Variants in TSEN2 observed in about 807,000 individuals in gnomAD.
The protein encoded by TSEN2 is tRNA-splicing endonuclease subunit Sen2.
A neutral mutation model predicts 59.2 loss-of-function variants in TSEN2; 54 were observed. That is an observed-to-expected ratio of 0.91 (90% CI 0.73 to 1.14). TSEN2 has a LOEUF of 1.14. Ranked by LOEUF, TSEN2 falls within the 50% of genes most tolerant of loss-of-function variation. The pLI, the probability that TSEN2 is intolerant of heterozygous loss-of-function variation, is 0.00. For missense variants in TSEN2, 636 were observed against 576.2 expected, an observed-to-expected ratio of 1.10 and a Z score of -1.06; for synonymous variants, 195 against 198.2, an observed-to-expected ratio of 0.98 and a Z score of 0.14.
chr3:12,532,043 T>C (rs527559338), intron 11 of TSEN2, among the ~76,000 whole-genome samples: 1 of 152,318 alleles, frequency 6.6e-6, no homozygotes, highest in African/African-American at 2.4e-5. Context: ...CCTCCTGTCA[T>C]CTTGGCTTGT....
chr3:12,494,513 C>T (rs2053544731), intron 3 of TSEN2, among the ~76,000 whole-genome samples: 1 of 152,130 alleles, frequency 6.6e-6, no homozygotes, highest in Non-Finnish European at 1.5e-5. Flanking sequence ...TCTCCTGCCT[C>T]AGCCTCCTGG....
chr3:12,496,510 T>C lies in TSEN2; in HGVS notation c.272-8T>C. 6.2e-7 allele frequency: 1 copy of C among 1,614,104 alleles called. No homozygotes were observed. Among genetic ancestry groups the C allele is most frequent in the Non-Finnish European group, 8.5e-7 (1 of 1,179,990 alleles). ...TTGCCTGAAACTAATAGAACTTCTT[T>C]GTTCCAGATATGAAGACAAACATGC... On this transcript the variant is annotated splice_region_variant and splice_polypyrimidine_tract_variant and intron_variant, in intron 3 of 11. Transcript: ENST00000284995.
intron 2 of TSEN2, 145 bp downstream of exon 2, chr3:12,490,134 G>C (rs896613628): frequency 3.5e-6 from 3 of 862,890 alleles, no homozygotes; most frequent in African/African-American, 1.7e-5. Context: ...TGTAGGAAAA[G>C]TACAATTTGA....
In TSEN2 at chr3:12,494,411, A is replaced by T. The variant is rs559435209; in HGVS notation, c.272-2107A>T. ...ATTTTATTATATTTTTTGAGACAAG[A>T]GTCTCACTCACTCTGTCATCCAGGC... On this transcript the variant is annotated intron_variant, in intron 3 of 11. Transcript: ENST00000284995. 7.2e-5 allele frequency among the ~76,000 whole-genome samples: 11 copies of T among 152,298 alleles called. 1 individual carries two copies. In the South Asian group the frequency reaches 8.3e-4, roughly 11 times the overall value.
At chr3:12,512,630 TA>T (rs2055596571) in intron 6 of TSEN2, among the ~76,000 whole-genome samples, 1 of 152,248 alleles carries the variant, frequency 6.6e-6, no homozygotes, top group Non-Finnish European at 1.5e-5. Context: ...ATTAGTAGAA[TA>T]CACTTTTTTC....
chr3:12,485,592 C>G (rs925924422), intron 1 of TSEN2, among the ~76,000 whole-genome samples: 4 of 152,140 alleles, frequency 2.6e-5, no homozygotes, highest in Non-Finnish European at 5.9e-5. Context: ...TCAGCTGGGT[C>G]CACCCAGGAA....
At chr3:12,487,027 T>G (rs1435899483) in intron 1 of TSEN2, among the ~76,000 whole-genome samples, 1 of 152,222 alleles carries the variant, frequency 6.6e-6, no homozygotes, top group Non-Finnish European at 1.5e-5. Flanking sequence ...TGAACATATG[T>G]TTTCATTTCT....
At chr3:12,482,883 A>G (rs560902522), upstream of TSEN2, among the ~76,000 whole-genome samples, 104 of 152,282 alleles carry the variant, frequency 6.8e-4, no homozygotes, top group Non-Finnish European at 1.2e-3. Context: ...CCCCTGCCCA[A>G]TCCATCCTGT....
chr3:12,507,665 A>C (rs1222292205), intron 6 of TSEN2, among the ~76,000 whole-genome samples: 3 of 152,220 alleles, frequency 2.0e-5, no homozygotes, highest in Non-Finnish European at 4.4e-5. Context: ...AATAAGTAGA[A>C]TGTGACTTTG....
At chr3:12,506,221 A>G (rs2054820200) in intron 6 of TSEN2, among the ~76,000 whole-genome samples, 2 of 151,712 alleles carry the variant, frequency 1.3e-5, no homozygotes, top group African/African-American at 4.9e-5. Flanking sequence ...GATTCAGATC[A>G]TGTAGTGACT....
chr3:12,497,941 C>T (rs566466787), intron 4 of TSEN2, among the ~76,000 whole-genome samples: 1 of 152,276 alleles, frequency 6.6e-6, no homozygotes, highest in Admixed American at 6.5e-5. Flanking sequence ...TCCTTGCCTG[C>T]CTTCACTGCT....
chr3:12,516,659 A>T lies in TSEN2; in HGVS notation c.958A>T (p.Lys320Ter), dbSNP rs774323175. ...ALGCLSIYYE[K>*]EPLTIVKLWK... is the part of the protein sequence containing the mutation. Reference sequence around the variant, plus strand: ...GGGATGTTTAAGTATTTACTATGAGAAGGTAAGATGCTTTGTTTACATACA... The same window carrying T: ...GGGATGTTTAAGTATTTACTATGAGTAGGTAAGATGCTTTGTTTACATACA... Residue 320 changes from lysine (K) to a stop codon, truncating the protein, a stop_gained and splice_region_variant, in exon 7 of 12, where the codon AAG becomes TAG. Coordinates refer to ENST00000284995, the MANE Select transcript of TSEN2 (RefSeq NM_025265.4). LOFTEE classifies it high-confidence loss of function. 1.9e-5 allele frequency: 30 copies of T among 1,613,790 alleles called. No homozygotes were observed. The highest frequency in any genetic ancestry group is 2.5e-5 in the Non-Finnish European group (30 of 1,179,916).
intron 6 of TSEN2, among the ~76,000 whole-genome samples, chr3:12,510,078 T>C (rs2055273513): frequency 6.6e-6 from 1 of 152,242 alleles, no homozygotes; most frequent in Admixed American, 6.5e-5. Flanking sequence ...TTTCAATTAA[T>C]TATTTTACTT....
At position 12,521,489 on chromosome 3, in the gene TSEN2, T is replaced by G. The variant is rs148535744; in HGVS notation, c.1099+2292T>G. ...CAGCACTTTGGGAGGCCGAGGCAGG[T>G]GGGTCACCTGAGGTCAGGAGTTTGA... On this transcript the variant is annotated intron_variant, in intron 8 of 11. Coordinates refer to ENST00000284995, the MANE Select transcript of TSEN2 (RefSeq NM_025265.4). 1.5e-4 allele frequency among the ~76,000 whole-genome samples: 22 copies of G among 150,366 alleles called. No individual in the cohort carries two copies. In the East Asian group the frequency reaches 3.9e-3, roughly 27 times the overall value.
intron 2 of TSEN2, among the ~76,000 whole-genome samples, chr3:12,491,293 C>T (rs995003753): frequency 3.3e-5 from 5 of 151,998 alleles, no homozygotes; most frequent in Admixed American, 6.6e-5. Flanking sequence ...TACCTGGCCT[C>T]TTTATTCTGA....
chr3:12,493,560 C>T (rs984086538), intron 3 of TSEN2, among the ~76,000 whole-genome samples: 2 of 152,170 alleles, frequency 1.3e-5, no homozygotes, highest in African/African-American at 4.8e-5. Context: ...AACCCCATCT[C>T]TACTAAAAAT....
At chr3:12,513,627 A>G (rs2125118031) in intron 6 of TSEN2, among the ~76,000 whole-genome samples, 1 of 152,348 alleles carries the variant, frequency 6.6e-6, no homozygotes, top group Non-Finnish European at 1.5e-5. Flanking sequence ...TCAGATCTCA[A>G]ACTTCAGTCT....
At chr3:12,488,289 G>A (rs1210614900) in intron 1 of TSEN2, among the ~76,000 whole-genome samples, 3 of 152,096 alleles carry the variant, frequency 2.0e-5, no homozygotes, top group Admixed American at 6.5e-5. Context: ...GTGAGGATTC[G>A]GAGTCATGTA....
At chr3:12,513,870 A>G (rs981800821) in intron 6 of TSEN2, among the ~76,000 whole-genome samples, 18 of 152,356 alleles carry the variant, frequency 1.2e-4, no homozygotes, top group Admixed American at 5.9e-4. Context: ...ATGGAACGCA[A>G]TGTTCACACT....
Sources: gnomAD v4.1 joint callset for allele counts (sites outside exome capture counted in the v4.1 genomes callset) on GRCh38, gnomAD v4.1.1 for gene constraint, MANE v1.5 for transcripts, NCBI Gene and HGNC (gene_info 2026-07-23, HGNC 2026-07-21) for gene names.